The following CHSY3 variants were observed in gnomAD, a reference collection of about 807,000 sequenced individuals.
The protein encoded by CHSY3 is N-acetylgalactosaminyl-proteoglycan 3-beta-glucuronosyltransferase 3.
Under a neutral mutation model 67.2 loss-of-function variants are expected in CHSY3, and 35 were observed. The ratio of observed to expected loss-of-function variants is 0.52; its 90% CI spans 0.40 to 0.69. The LOEUF (loss-of-function observed/expected upper bound fraction) is 0.69. Among genes scored for constraint, CHSY3 ranks in the 30% least tolerant of loss-of-function variants. CHSY3 has a pLI of 0.00. For synonymous variants in CHSY3, 474 were observed against 434.7 expected (o/e 1.09, Z -1.12); for missense variants, 1,069 against 1,138.5 (o/e 0.94, Z 0.88).
intron 2 of CHSY3, among the ~76,000 whole-genome samples, chr5:130,011,390 A>G (rs74787493): frequency 0.023 from 3,577 of 152,330 alleles, 132 homozygotes; most frequent in African/African-American, 0.082. Flanking sequence ...TCATCCCAAT[A>G]GATGCTGAAA....
intron 2 of CHSY3, among the ~76,000 whole-genome samples, chr5:129,917,331 G>T (rs1268243201): frequency 6.6e-6 from 1 of 152,104 alleles, no homozygotes; most frequent in African/African-American, 2.4e-5. Context: ...AGAACAATAG[G>T]CCTTCCATAT....
chr5:130,001,531 T>C, intron 2 of CHSY3: 1 of 935,974 alleles, frequency 1.1e-6, no homozygotes. Flanking sequence ...AGAACCAAGA[T>C]ACGCAGGACC....
chr5:130,009,767 C>T (rs1763993505), intron 2 of CHSY3, among the ~76,000 whole-genome samples: 1 of 152,122 alleles, frequency 6.6e-6, no homozygotes, highest in Non-Finnish European at 1.5e-5. Context: ...CAGTGACACC[C>T]ATAGGCTCAA....
intron 2 of CHSY3, among the ~76,000 whole-genome samples, chr5:130,124,587 C>A (rs146250535): frequency 3.3e-5 from 5 of 152,044 alleles, no homozygotes; most frequent in African/African-American, 7.2e-5. Flanking sequence ...TCCCGAGTAG[C>A]TGAGATTACA....
upstream of CHSY3, among the ~76,000 whole-genome samples, chr5:129,904,210 C>T (rs1390726402): frequency 6.6e-6 from 1 of 151,400 alleles, no homozygotes; most frequent in Non-Finnish European, 1.5e-5. Flanking sequence ...GGCGTCGGCG[C>T]TGCAAGCCGG....
chr5:129,938,233 T>C (rs777590687), intron 2 of CHSY3, among the ~76,000 whole-genome samples: 1 of 152,214 alleles, frequency 6.6e-6, no homozygotes, highest in Non-Finnish European at 1.5e-5. Flanking sequence ...GTCCCAAGGC[T>C]GCATAGAGTA....
intron 2 of CHSY3, among the ~76,000 whole-genome samples, chr5:130,109,518 C>A (rs1195392648): frequency 2.6e-5 from 4 of 151,704 alleles, no homozygotes; most frequent in Non-Finnish European, 3.0e-5. Context: ...CTTCTAAAAT[C>A]TTTACACATC....
Position 130,055,316 on chromosome 5 carries a change from T to C in CHSY3, c.1087-128913T>C, listed in dbSNP as rs569447126. ...AAAAAGTCGTTTTGAACTATGGATA[T>C]GGAGGTCTACAAAAGTGTTATAAAG... On this transcript the variant is annotated intron_variant, in intron 2 of 2. Transcript: ENST00000305031. 5.3e-5 allele frequency among the ~76,000 whole-genome samples: 8 copies of C among 151,084 alleles called. No individual in the cohort carries two copies. In the South Asian group the frequency reaches 1.5e-3, roughly 28 times the overall value.
intron 2 of CHSY3, among the ~76,000 whole-genome samples, chr5:129,989,088 A>G (rs1407547015): frequency 6.6e-6 from 1 of 152,128 alleles, no homozygotes; most frequent in Non-Finnish European, 1.5e-5. Context: ...TGCTGCTATA[A>G]CAGAATACCA....
chr5:130,183,243 A>AT (rs749328911), intron 2 of CHSY3, among the ~76,000 whole-genome samples: 8 of 150,978 alleles, frequency 5.3e-5, no homozygotes, highest in Non-Finnish European at 7.4e-5. Flanking sequence ...ATAACTACAT[A>AT]TTTTTTTTCA....
intron 2 of CHSY3, among the ~76,000 whole-genome samples, chr5:129,993,598 G>A (rs1478486067): frequency 1.3e-5 from 2 of 151,980 alleles, no homozygotes; most frequent in Admixed American, 6.6e-5. Context: ...TTGAGCCTAT[G>A]TGTGTCTCTG....
At chr5:130,132,639 T>G (rs2149714534) in intron 2 of CHSY3, among the ~76,000 whole-genome samples, 1 of 152,328 alleles carries the variant, frequency 6.6e-6, no homozygotes, top group South Asian at 2.1e-4. Flanking sequence ...CAAGAATGAC[T>G]TGATTGATAC....
chr5:129,966,229 C>T (rs1338040793), intron 2 of CHSY3, among the ~76,000 whole-genome samples: 1 of 151,800 alleles, frequency 6.6e-6, no homozygotes, highest in Non-Finnish European at 1.5e-5. Context: ...TCTGTTGATC[C>T]AAATACATTC....
intron 2 of CHSY3, among the ~76,000 whole-genome samples, chr5:130,168,850 A>G (rs746767880): frequency 6.6e-5 from 10 of 152,228 alleles, no homozygotes; most frequent in South Asian, 6.2e-4. Context: ...GCTGTCTATG[A>G]ATGTGTATAG....
chr5:130,077,883 A>G (rs1381179016), intron 2 of CHSY3, among the ~76,000 whole-genome samples: 1 of 151,984 alleles, frequency 6.6e-6, no homozygotes, highest in Non-Finnish European at 1.5e-5. Flanking sequence ...AAAAAGTTTT[A>G]TTTTATATAA....
chr5:130,138,201 C>T (rs62393192), intron 2 of CHSY3, among the ~76,000 whole-genome samples: 8,335 of 152,210 alleles, frequency 0.055, 344 homozygotes, highest in Non-Finnish European at 0.081. Context: ...AAGTGTGGAG[C>T]AAAAGAGGCA....
At chr5:129,974,529 T>G (rs914258948) in intron 2 of CHSY3, among the ~76,000 whole-genome samples, 1 of 152,054 alleles carries the variant, frequency 6.6e-6, no homozygotes, top group Non-Finnish European at 1.5e-5. Context: ...AAAATTACCA[T>G]GGTCGAGAAA....
chr5:130,161,649 A>G (rs1769547692), intron 2 of CHSY3, among the ~76,000 whole-genome samples: 3 of 152,236 alleles, frequency 2.0e-5, no homozygotes, highest in African/African-American at 4.8e-5. Flanking sequence ...TATATCAGTC[A>G]GTCCTACAAC....
intron 2 of CHSY3, among the ~76,000 whole-genome samples, chr5:130,118,625 A>G (rs1438351987): frequency 6.6e-6 from 1 of 152,146 alleles, no homozygotes; most frequent in African/African-American, 2.4e-5. Context: ...TCTGCTGTCA[A>G]GTATGATACT....
Sources: allele counts gnomAD v4.1 joint callset (sites outside exome capture counted in the v4.1 genomes callset), GRCh38; gene constraint gnomAD v4.1.1; transcripts MANE v1.5; gene names NCBI Gene and HGNC (gene_info 2026-07-23, HGNC 2026-07-21).